Variants in PLCB1 observed in about 807,000 individuals in gnomAD.
PLCB1 encodes phospholipase C beta 1, also known as 1-phosphatidylinositol 4,5-bisphosphate phosphodiesterase beta-1.
PLCB1 carries 46 observed loss-of-function variants against 161.8 expected under a neutral mutation model. The ratio of observed to expected loss-of-function variants is 0.28; its 90% confidence interval spans 0.22 to 0.36. The LOEUF (loss-of-function observed/expected upper bound fraction) is 0.36, where lower values mean the gene tolerates loss of function less well. PLCB1 is among the 10% of genes least tolerant of loss of function. The probability of loss-of-function intolerance (pLI) is 1.00; values close to 1 mark genes in which losing one functional copy is unlikely to be tolerated. For synonymous variants in PLCB1, 517 were observed against 503.7 expected, an observed-to-expected ratio of 1.03 and a Z score of -0.35; for missense variants, 1,016 against 1,472.5, an observed-to-expected ratio of 0.69 and a Z score of 5.07.
At chr20:8,325,281 T>A (rs1229817124) in intron 2 of PLCB1, among the ~76,000 whole-genome samples, 2 of 152,216 alleles carry the variant, frequency 1.3e-5, no homozygotes, top group African/African-American at 4.8e-5. Context: ...TGAGCTAAGA[T>A]TGATGCATTC....
At chr20:8,531,515 A>C (rs568191041) in intron 3 of PLCB1, among the ~76,000 whole-genome samples, 89 of 152,208 alleles carry the variant, frequency 5.8e-4, no homozygotes, top group Non-Finnish European at 1.0e-3. Context: ...CTTGTGCCTA[A>C]AACACTTCCT....
chr20:8,798,196 C>A (rs2179480), intron 31 of PLCB1, among the ~76,000 whole-genome samples: 1 of 136,254 alleles, frequency 7.3e-6, no homozygotes, highest in African/African-American at 3.0e-5. Flanking sequence ...GACTCTATAT[C>A]GAAAAAAAAA....
chr20:8,240,304 ACG>A (rs1491159004), intron 2 of PLCB1, among the ~76,000 whole-genome samples: 4 of 149,952 alleles, frequency 2.7e-5, no homozygotes, highest in South Asian at 2.1e-4. Context: ...ACACACACAC[ACG>A]CACACACACA....
chr20:8,149,541 GTC>G (rs2051487727), intron 1 of PLCB1, among the ~76,000 whole-genome samples: 1 of 152,108 alleles, frequency 6.6e-6, no homozygotes, highest in South Asian at 2.1e-4. Flanking sequence ...GGCAATTTAT[GTC>G]TCTCTAAAAA....
intron 2 of PLCB1, among the ~76,000 whole-genome samples, chr20:8,290,170 A>G (rs1983318412): frequency 6.6e-6 from 1 of 152,150 alleles, no homozygotes; most frequent in African/African-American, 2.4e-5. Flanking sequence ...ATAGAAATTG[A>G]TTTTGCTTTT....
intron 2 of PLCB1, among the ~76,000 whole-genome samples, chr20:8,368,204 T>C (rs952642452): frequency 1.3e-5 from 2 of 152,128 alleles, no homozygotes; most frequent in African/African-American, 4.8e-5. Context: ...AGTCTATTGT[T>C]TCTTCAATTG....
Position 8,883,856 on chromosome 20 carries a change from TGAAA to T in PLCB1, c.*2013_*2016del, listed in dbSNP as rs1446323603. The T allele has an allele frequency of 6.6e-6, 1 of 152,542 alleles. No individual in the cohort carries two copies. The highest frequency in any genetic ancestry group is 6.5e-5 in the Admixed American group (1 of 15,270). The allele number at this position is 152,542 out of a possible 1,614,324, so 9.4% of individuals were successfully genotyped here. A position where few individuals can be genotyped will look rare whatever the true frequency, so the allele number is the denominator to read the frequency against. ...TGTAAATCATTCTACTTTTGCACTT[TGAAA>T]GAAAGGCGTTAATCATAAAGAAGCA... On this transcript the variant is annotated 3_prime_UTR_variant, in exon 32 of 32. Coordinates refer to ENST00000338037, the MANE Select transcript of PLCB1 (RefSeq NM_015192.4).
chr20:8,437,543 G>A (rs1403805497), intron 3 of PLCB1, among the ~76,000 whole-genome samples: 1 of 152,154 alleles, frequency 6.6e-6, no homozygotes, highest in African/African-American at 2.4e-5. Flanking sequence ...GTACTGAGTA[G>A]TGGAATCACT....
intron 25 of PLCB1, among the ~76,000 whole-genome samples, chr20:8,764,933 G>T (rs1166776726): frequency 6.6e-6 from 1 of 152,186 alleles, no homozygotes; most frequent in Non-Finnish European, 1.5e-5. Flanking sequence ...TGAAGCAATT[G>T]GGTCTCTGAG....
chr20:8,280,725 A>G (rs1211780495), intron 2 of PLCB1, among the ~76,000 whole-genome samples: 1 of 152,212 alleles, frequency 6.6e-6, no homozygotes, highest in Non-Finnish European at 1.5e-5. Flanking sequence ...AGGTTATTAA[A>G]TATTAAGCAT....
chr20:8,445,962 G>A (rs901623964), intron 3 of PLCB1, among the ~76,000 whole-genome samples: 4 of 152,124 alleles, frequency 2.6e-5, no homozygotes, highest in African/African-American at 4.8e-5. Context: ...ATTCACAGCC[G>A]AATTCTACCA....
At chr20:8,804,287 G>A (rs565184395) in intron 31 of PLCB1, among the ~76,000 whole-genome samples, 2 of 152,238 alleles carry the variant, frequency 1.3e-5, no homozygotes, top group African/African-American at 2.4e-5. Flanking sequence ...TTGTAATAGC[G>A]TGTTCACAAC....
chr20:8,645,910 A>C (rs769414545), intron 4 of PLCB1, among the ~76,000 whole-genome samples, 192 bp from the exon 5 acceptor site: 13 of 152,234 alleles, frequency 8.5e-5, no homozygotes, highest in Non-Finnish European at 1.9e-4. Flanking sequence ...CCTTTGGAAA[A>C]GAGTAGTCTC....
intron 3 of PLCB1, among the ~76,000 whole-genome samples, chr20:8,450,419 G>A (rs1395916854): frequency 6.6e-6 from 1 of 151,972 alleles, no homozygotes; most frequent in Non-Finnish European, 1.5e-5. Flanking sequence ...TAGTGAATAG[G>A]TAGAGACATC....
chr20:8,753,416 G>A (rs6118302), intron 23 of PLCB1, among the ~76,000 whole-genome samples: 36,145 of 151,988 alleles, frequency 0.24, 5,000 homozygotes, highest in Non-Finnish European at 0.32. Flanking sequence ...TATAACATCT[G>A]TCTCCAGAAA....
Position 8,161,166 on chromosome 20 carries a change from A to G in PLCB1, c.177+10795A>G, listed in dbSNP as rs78955678. ...TTATAGCATATACATATTTTTATACATATATTTATATAGTATATGTAGCAT... is the reference window on the plus strand; with the variant it reads ...TTATAGCATATACATATTTTTATACGTATATTTATATAGTATATGTAGCAT... On this transcript the variant is annotated intron_variant, in intron 2 of 31. Transcript: ENST00000338037. Among the ~76,000 whole-genome samples the G allele has an allele frequency of 2.6e-3, 392 of 152,144 alleles. 6 individuals are homozygous for G. In the East Asian group the frequency reaches 0.041, roughly 16 times the overall value.
At position 8,582,491 on chromosome 20, in the gene PLCB1, C is replaced by T. The variant is rs1468244033; in HGVS notation, c.247-45803C>T. On this transcript the variant is annotated intron_variant, in intron 3 of 31. Transcript: ENST00000338037. ...TGAGACCAGTCTCCAGCTGTAACTA[C>T]GTCCTTGCCTAGCTGCCTCTGCTTC... is the stretch of plus-strand genomic sequence containing the variant. 3.9e-5 allele frequency among the ~76,000 whole-genome samples: 6 copies of T among 152,258 alleles called. No individual in the cohort carries two copies. The South Asian group carries it at 8.3e-4, about 21-fold the overall frequency.
chr20:8,539,772 C>T (rs1250897675), intron 3 of PLCB1, among the ~76,000 whole-genome samples: 1 of 144,638 alleles, frequency 6.9e-6, no homozygotes, highest in Non-Finnish European at 1.5e-5. Context: ...TTCCTTCTTT[C>T]CTTCCTTCCT....
chr20:8,810,927 C>G (rs1984786170), intron 31 of PLCB1, among the ~76,000 whole-genome samples: 1 of 152,234 alleles, frequency 6.6e-6, no homozygotes, highest in Non-Finnish European at 1.5e-5. Flanking sequence ...GATCGCACTA[C>G]TGCACTCTGG....
Sources: gnomAD v4.1 joint callset for allele counts (sites outside exome capture counted in the v4.1 genomes callset) on GRCh38, gnomAD v4.1.1 for gene constraint, MANE v1.5 for transcripts, NCBI Gene and HGNC (gene_info 2026-07-23, HGNC 2026-07-21) for gene names.